MGA: variants seen among roughly 807,000 people sequenced by gnomAD.
MGA encodes the protein MAX gene-associated protein.
Under a neutral mutation model 261.1 loss-of-function variants are expected in MGA, and 40 were observed. That is an observed-to-expected ratio of 0.15 (90% CI 0.12 to 0.20). The LOEUF (loss-of-function observed/expected upper bound fraction) is 0.20, where lower values mean the gene tolerates loss of function less well. Ranked by LOEUF, MGA falls within the 10% of genes least tolerant of loss-of-function variation. MGA has a pLI of 1.00. For synonymous variants in MGA, 1,302 were observed against 1,290.6 expected (o/e 1.01, Z -0.19); for missense variants, 3,397 against 3,630.5 (o/e 0.94, Z 1.65).
chr15:41,734,343 G>A (rs1248311673), intron 11 of MGA, among the ~76,000 whole-genome samples, 179 bp from the exon 12 acceptor site: 1 of 152,164 alleles, frequency 6.6e-6, no homozygotes, highest in Non-Finnish European at 1.5e-5. Context: ...AAAACTATGT[G>A]TTTTTACCCA....
At chr15:41,675,233 C>T (rs1307451661) in intron 2 of MGA, among the ~76,000 whole-genome samples, 1 of 152,198 alleles carries the variant, frequency 6.6e-6, no homozygotes, top group Non-Finnish European at 1.5e-5. Flanking sequence ...AAGGATCATA[C>T]CAGCTTATAC....
At chr15:41,757,914 T>G (rs949004797) in intron 19 of MGA, 75 bp downstream of exon 19, 48 of 1,263,102 alleles carry the variant, frequency 3.8e-5, no homozygotes, top group African/African-American at 3.0e-5. Context: ...TGAAACAACA[T>G]TAGCTATATT....
rs2063942898 is a variant in MGA at position 41,769,286 on chromosome 15, AGCTTAAC to A, written c.*2007_*2013del. On this transcript the variant is annotated 3_prime_UTR_variant, in exon 24 of 24. Transcript: ENST00000219905. ...TCCTCAGGAAAAGAAGGACCATTTTAGCTTAACACTTCCTTTTTTTTTTTTTTTTTTT... is the reference window on the plus strand; with the variant it reads ...TCCTCAGGAAAAGAAGGACCATTTTAACTTCCTTTTTTTTTTTTTTTTTTT... The A allele has an allele frequency of 6.9e-6, 1 of 144,428 alleles. No individual in the cohort carries two copies. Among genetic ancestry groups the A allele is most frequent in the Non-Finnish European group, 1.5e-5 (1 of 66,750 alleles). The allele number at this position is 144,428 out of a possible 1,614,324, so 8.9% of individuals were successfully genotyped here.
chr15:41,761,112 A>G (rs1025833587), intron 20 of MGA, among the ~76,000 whole-genome samples: 4 of 152,214 alleles, frequency 2.6e-5, no homozygotes, highest in Non-Finnish European at 5.9e-5. Context: ...CTTTCTTCAG[A>G]TAGAGTCAGA....
chr15:41,733,146 C>T (rs184766378), intron 11 of MGA, among the ~76,000 whole-genome samples: 40 of 152,044 alleles, frequency 2.6e-4, no homozygotes, highest in Non-Finnish European at 1.5e-4. Flanking sequence ...TTAGTTGAGA[C>T]GGGGTTTTAC....
rs764031643 is a variant in MGA at position 41,696,564 on chromosome 15, T to C, written c.1554T>C (p.Thr518=). The change falls in exon 3 of 24, where the codon ACT becomes ACC. Residue 518 remains threonine, a synonymous_variant. Coordinates refer to ENST00000219905, the MANE Select transcript of MGA (RefSeq NM_001164273.2). Reference sequence around the variant, plus strand: ...CATACATTGAAAATTCCAATGAGACTGCCTTCTGCTTAGGCAAGGAATCAG... The same window carrying C: ...CATACATTGAAAATTCCAATGAGACCGCCTTCTGCTTAGGCAAGGAATCAG... The C allele has an allele frequency of 1.9e-6, 3 of 1,613,896 alleles. No homozygotes were observed. In the East Asian group the frequency reaches 6.7e-5, roughly 36 times the overall value.
At chr15:41,681,768 T>C (rs555477689) in intron 2 of MGA, among the ~76,000 whole-genome samples, 1 of 152,198 alleles carries the variant, frequency 6.6e-6, no homozygotes, top group African/African-American at 2.4e-5. Flanking sequence ...CATTTTTTTA[T>C]GTTATGAGAT....
Position 41,758,626 on chromosome 15 carries a change from G to A in MGA, c.7191+787G>A, listed in dbSNP as rs191751954. Among the ~76,000 whole-genome samples, 359 of 152,074 alleles carry A rather than the reference G, an allele frequency of 2.4e-3. 7 individuals are homozygous for A. Among genetic ancestry groups the A allele is most frequent in the Non-Finnish European group, 7.5e-4 (51 of 67,924 alleles). On this transcript the variant is annotated intron_variant, in intron 19 of 23. Coordinates refer to ENST00000219905, the MANE Select transcript of MGA (RefSeq NM_001164273.2). ...GCTTATTTACATAATTCATTGTTTT[G>A]TACCCAAATAATTACATGCAAATTC...
chr15:41,698,735 C>A, intron 3 of MGA, 128 bp from the exon 4 acceptor site: 2 of 647,562 alleles, frequency 3.1e-6, no homozygotes, highest in South Asian at 4.7e-5. Context: ...CCTGTTCTGC[C>A]AATGTTAGCG....
intron 5 of MGA, 70 bp from the exon 6 acceptor site, chr15:41,707,658 A>T: frequency 7.0e-7 from 1 of 1,435,886 alleles, no homozygotes; most frequent in Non-Finnish European, 9.4e-7. Context: ...GGCACAAGTT[A>T]AAAACAAAGA....
intron 7 of MGA, among the ~76,000 whole-genome samples, chr15:41,710,033 G>A (rs1386727387): frequency 6.6e-6 from 1 of 151,868 alleles, no homozygotes; most frequent in African/African-American, 2.4e-5. Context: ...CTCCATGTTG[G>A]TCAGGCTGGT....
In MGA at chr15:41,742,547, G is replaced by A. The variant is rs568289907; in HGVS notation, c.4587G>A (p.Ala1529=). Residue 1529 remains alanine, a splice_region_variant and synonymous_variant, in exon 15 of 24, where the codon GCG becomes GCA. Coordinates refer to ENST00000219905, the MANE Select transcript of MGA (RefSeq NM_001164273.2). ...TGACCTGCAAATTTCTGTTTGCAGC[G>A]GCTCGACCCTCTCCTGGTGGTGTGT... 28 of 1,609,996 alleles carry A rather than the reference G, an allele frequency of 1.7e-5. No individual in the cohort carries two copies. Among genetic ancestry groups the A allele is most frequent in the East Asian group, 4.5e-5 (2 of 44,790 alleles).
At chr15:41,630,648 G>A (rs2056569314) in intron 1 of MGA, among the ~76,000 whole-genome samples, 1 of 152,168 alleles carries the variant, frequency 6.6e-6, no homozygotes, top group Non-Finnish European at 1.5e-5. Context: ...GACATATTAG[G>A]AATGTTTTAT....
chr15:41,674,520 T>C (rs1276729799), intron 2 of MGA, among the ~76,000 whole-genome samples: 2 of 151,310 alleles, frequency 1.3e-5, no homozygotes, highest in Admixed American at 6.6e-5. Flanking sequence ...TTCTTATTTT[T>C]ATTTTTATTT....
intron 1 of MGA, among the ~76,000 whole-genome samples, chr15:41,628,913 G>T (rs1341824644): frequency 2.6e-5 from 4 of 152,142 alleles, no homozygotes; most frequent in Non-Finnish European, 4.4e-5. Flanking sequence ...GCCGAGGCAG[G>T]TGGATCATGA....
intron 1 of MGA, among the ~76,000 whole-genome samples, chr15:41,631,383 A>G (rs1188642618): frequency 6.6e-6 from 1 of 152,178 alleles, no homozygotes; most frequent in African/African-American, 2.4e-5. Context: ...TTTCATGTCT[A>G]TAAAGAAAGT....
Position 41,742,704 on chromosome 15 carries a change from G to A in MGA, c.4744G>A (p.Val1582Ile), listed in dbSNP as rs778816592. Residue 1582 changes from valine to isoleucine, a missense_variant, in exon 15 of 24, where the codon GTT becomes ATT. By Grantham distance (29) the Val-to-Ile change is conservative (BLOSUM62 3). This residue lies in a region of MGA where 1,410 missense variants were observed against 1,386.4 expected (regional missense o/e 1.02). Transcript: ENST00000219905. ...TCCAGTAATGGTCGTCACACCTGTG[G>A]TTTCTTCTGAGCCAGTTCAGGTGTG... 3 of 1,613,966 alleles carry A rather than the reference G, an allele frequency of 1.9e-6. No individual in the cohort carries two copies. The highest frequency in any genetic ancestry group is 2.5e-6 in the Non-Finnish European group (3 of 1,179,890).
chr15:41,729,071 G>C, intron 10 of MGA, 93 bp from the exon 11 acceptor site: 1 of 1,313,220 alleles, frequency 7.6e-7, no homozygotes, highest in South Asian at 1.4e-5. Context: ...TTCGACTGTT[G>C]TAATACAAAA....
rs1420692421 is a variant in MGA, at chr15:41,766,286, A to G, written c.8204A>G (p.Asn2735Ser). The G allele has an allele frequency of 3.7e-6, 6 of 1,613,980 alleles. No homozygotes were observed. The highest frequency in any genetic ancestry group is 4.5e-5 in the East Asian group (2 of 44,888). The change falls in exon 24 of 24, where the codon AAT becomes AGT. Residue 2735 changes from asparagine to serine, a missense_variant. Asn to Ser is a conservative substitution (Grantham distance 46). This residue lies in a region of MGA where 647 missense variants were observed against 642.4 expected (regional missense o/e 1.01). Transcript: ENST00000219905. ...TATCCACAAATAGTTGACGTTTCCAATATGCAGAAAGCACAAGAGTTCTTA... is the reference window on the plus strand; with the variant it reads ...TATCCACAAATAGTTGACGTTTCCAGTATGCAGAAAGCACAAGAGTTCTTA...
Sources: gnomAD v4.1 joint callset for allele counts (sites outside exome capture counted in the v4.1 genomes callset) on GRCh38, gnomAD v4.1.1 for gene constraint, gnomAD v4.1.1 regional missense constraint, MANE v1.5 for transcripts, NCBI Gene and HGNC (gene_info 2026-07-23, HGNC 2026-07-21) for gene names.